Variants in PPARGC1A observed in about 807,000 individuals in gnomAD.
PPARGC1A encodes peroxisome proliferator-activated receptor gamma coactivator 1-alpha.
Under a neutral mutation model 88.7 loss-of-function variants are expected in PPARGC1A, and 25 were observed. That is an observed-to-expected ratio of 0.28 (90% CI 0.21 to 0.39). The LOEUF is 0.39. Among genes scored for constraint, PPARGC1A ranks in the 10% least tolerant of loss-of-function variants. PPARGC1A has a pLI of 1.00. For missense variants in PPARGC1A, 880 were observed against 968.7 expected, an observed-to-expected ratio of 0.91 and a Z score of 1.22; for synonymous variants, 363 against 355.6, an observed-to-expected ratio of 1.02 and a Z score of -0.24.
At chr4:24,026,670 C>T in the PPARGC1A span, among the ~76,000 whole-genome samples, 3 of 152,152 alleles carry the variant, frequency 2.0e-5, no homozygotes, top group Non-Finnish European at 2.9e-5. Flanking sequence ...TTTAGACACA[C>T]GCCTCCACCA....
At chr4:24,311,255 A>G in the PPARGC1A span, among the ~76,000 whole-genome samples, 1 of 147,216 alleles carries the variant, frequency 6.8e-6, no homozygotes, top group African/African-American at 2.5e-5. Context: ...GCCCGCCACC[A>G]CGCCCGGCTA....
At chr4:24,302,776 G>C in the PPARGC1A span, among the ~76,000 whole-genome samples, 1 of 152,174 alleles carries the variant, frequency 6.6e-6, no homozygotes, top group Non-Finnish European at 1.5e-5. Context: ...CCATCCAAAG[G>C]GGTTTCTGGG....
the PPARGC1A span, among the ~76,000 whole-genome samples, chr4:24,085,469 C>T: frequency 6.6e-6 from 1 of 152,222 alleles, no homozygotes; most frequent in Non-Finnish European, 1.5e-5. Context: ...ACTGATAGGC[C>T]TTCAGCCAGG....
the PPARGC1A span, among the ~76,000 whole-genome samples, chr4:23,943,785 G>T: frequency 6.6e-6 from 1 of 152,188 alleles, no homozygotes; most frequent in African/African-American, 2.4e-5. Flanking sequence ...TTGATAGCAT[G>T]TCTTCTTGAC....
the PPARGC1A span, among the ~76,000 whole-genome samples, chr4:24,432,279 GAGA>G: frequency 2.6e-5 from 4 of 152,174 alleles, no homozygotes; most frequent in Admixed American, 1.3e-4. Flanking sequence ...AGAAGAGGAG[GAGA>G]AGATGTGCCT....
At chr4:23,994,631 T>C in the PPARGC1A span, among the ~76,000 whole-genome samples, 147,836 of 152,230 alleles carry the variant, frequency 0.97, 71,816 homozygotes, top group East Asian at 1. Flanking sequence ...ATATGCCCCA[T>C]TGCCTCAAGA....
chr4:24,006,858 A>G, the PPARGC1A span, among the ~76,000 whole-genome samples: 19 of 152,228 alleles, frequency 1.2e-4, no homozygotes, highest in Admixed American at 1.2e-3. Context: ...GGTATGCAAC[A>G]GCACCAACCC....
At chr4:24,173,174 G>C in the PPARGC1A span, among the ~76,000 whole-genome samples, 1 of 152,088 alleles carries the variant, frequency 6.6e-6, no homozygotes, top group African/African-American at 2.4e-5. Flanking sequence ...ATGTGTCAGA[G>C]TGGAGCTGAA....
the PPARGC1A span, among the ~76,000 whole-genome samples, chr4:24,282,949 T>C: frequency 1.2e-4 from 18 of 152,310 alleles, 1 homozygote; most frequent in East Asian, 3.5e-3. Flanking sequence ...TCAGGGGACC[T>C]AACCGTAGGT....
At chr4:24,301,010 CCA>C in the PPARGC1A span, among the ~76,000 whole-genome samples, 1 of 151,746 alleles carries the variant, frequency 6.6e-6, no homozygotes, top group Non-Finnish European at 1.5e-5. Context: ...TTTGGAGCTA[CCA>C]CACTAGTATT....
chr4:23,903,838 CTCTT>C (rs531768225), upstream of PPARGC1A, among the ~76,000 whole-genome samples: 15 of 151,462 alleles, frequency 9.9e-5, no homozygotes, highest in Non-Finnish European at 1.9e-4. Context: ...ACACACTTCT[CTCTT>C]TCTTTTTAGC....
At chr4:23,974,639 G>GT in the PPARGC1A span, among the ~76,000 whole-genome samples, 2 of 149,652 alleles carry the variant, frequency 1.3e-5, no homozygotes, top group Non-Finnish European at 3.0e-5. Flanking sequence ...TGTTGTCGTT[G>GT]GTTTTTTTTT....
chr4:24,277,649 G>A, the PPARGC1A span, among the ~76,000 whole-genome samples: 25 of 152,238 alleles, frequency 1.6e-4, no homozygotes, highest in East Asian at 9.6e-4. Context: ...CTCTCTAGGC[G>A]AGATGAAATC....
chr4:23,945,265 T>G, the PPARGC1A span, among the ~76,000 whole-genome samples: 2 of 152,162 alleles, frequency 1.3e-5, no homozygotes, highest in African/African-American at 4.8e-5. Context: ...CTTATCTTTA[T>G]GCATACATTT....
chr4:24,065,198 T>C, the PPARGC1A span, among the ~76,000 whole-genome samples: 1 of 152,120 alleles, frequency 6.6e-6, no homozygotes, highest in Non-Finnish European at 1.5e-5. Context: ...CAGTCCCTTC[T>C]AGGTCCCTGC....
chr4:24,393,013 GCACACACACACACA>G, the PPARGC1A span, among the ~76,000 whole-genome samples: 4 of 146,092 alleles, frequency 2.7e-5, no homozygotes, highest in East Asian at 8.0e-4. Context: ...TGCTCCATCA[GCACACACACACACA>G]CACACACACA....
At chr4:24,352,129 C>G in the PPARGC1A span, among the ~76,000 whole-genome samples, 2 of 151,956 alleles carry the variant, frequency 1.3e-5, no homozygotes, top group Non-Finnish European at 2.9e-5. Context: ...CAGAGCCACC[C>G]GGGAGTGGGA....
At chr4:24,353,192 C>CTTTTT in the PPARGC1A span, among the ~76,000 whole-genome samples, 1 of 144,190 alleles carries the variant, frequency 6.9e-6, no homozygotes, top group South Asian at 2.2e-4. Flanking sequence ...AATAATCAAT[C>CTTTTT]TTTTTTTTTT....
At chr4:23,800,332 C>G (rs144542281) in intron 12 of PPARGC1A, among the ~76,000 whole-genome samples, 1 of 151,846 alleles carries the variant, frequency 6.6e-6, no homozygotes, top group Non-Finnish European at 1.5e-5. Context: ...TTACTATGCA[C>G]ACATTAGATG....
Sources: gnomAD v4.1 joint callset for allele counts (sites outside exome capture counted in the v4.1 genomes callset) on GRCh38, gnomAD v4.1.1 for gene constraint, MANE v1.5 for transcripts, NCBI Gene and HGNC (gene_info 2026-07-23, HGNC 2026-07-21) for gene names.